Variants in OXNAD1 observed in about 807,000 individuals in gnomAD.
OXNAD1 encodes the protein oxidoreductase NAD binding domain containing 1.
OXNAD1 carries 34 observed loss-of-function variants against 32.9 expected under a neutral mutation model. That is an observed-to-expected ratio of 1.03 (90% CI 0.79 to 1.38). The LOEUF (loss-of-function observed/expected upper bound fraction) is 1.38. Ranked by LOEUF, OXNAD1 falls within the 40% of genes most tolerant of loss-of-function variation. The pLI is 0.00. For missense variants in OXNAD1, 407 were observed against 379.4 expected, an observed-to-expected ratio of 1.07 and a Z score of -0.60; for synonymous variants, 134 against 135.2, an observed-to-expected ratio of 0.99 and a Z score of 0.06.
chr3:16,328,035 A>G (rs542429888), intron 9 of OXNAD1, among the ~76,000 whole-genome samples: 54 of 152,322 alleles, frequency 3.5e-4, no homozygotes, highest in African/African-American at 1.3e-3. Flanking sequence ...CTGTATGCCC[A>G]CATAGTTCAT....
In OXNAD1 at chr3:16,346,938, C is replaced by G. The variant is rs2071761708; in HGVS notation, c.*31-2238C>G. Among the ~76,000 whole-genome samples the G allele has an allele frequency of 6.6e-6, 1 of 152,214 alleles. No homozygotes were observed. The highest frequency in any genetic ancestry group is 1.5e-5 in the Non-Finnish European group (1 of 68,042). On this transcript the variant is annotated intron_variant, in intron 9 of 9. Coordinates refer to the OXNAD1 transcript ENST00000606098. This position sits in a 1 kb window ranked among gnomAD's most constrained non-coding sequence, Gnocchi z 4.4. Reference sequence around the variant, plus strand: ...GACTCTGCAACCTCCCCACCTTGCTCTAGACTTCCTGCTCAATGAGATGAG... The same window carrying G: ...GACTCTGCAACCTCCCCACCTTGCTGTAGACTTCCTGCTCAATGAGATGAG...
In OXNAD1 at chr3:16,280,999, C is replaced by A. The variant is rs1157372100; in HGVS notation, c.184-5343C>A. 6.6e-6 allele frequency among the ~76,000 whole-genome samples: 1 copy of A among 152,112 alleles called. No individual in the cohort carries two copies. Among genetic ancestry groups the A allele is most frequent in the Admixed American group, 6.6e-5 (1 of 15,264 alleles). The stretch of plus-strand genomic sequence containing the variant: ...TCTTTCGATCCATTAAGTATAAGAG[C>A]CAATACAAATGATAAAATAAATAGT... On this transcript the variant is annotated intron_variant, in intron 4 of 8. Transcript: ENST00000285083. This position sits in a 1 kb window ranked among gnomAD's most constrained non-coding sequence, Gnocchi z 4.5.
At chr3:16,296,941 T>A (rs966606712) in intron 6 of OXNAD1, among the ~76,000 whole-genome samples, 2 of 152,098 alleles carry the variant, frequency 1.3e-5, no homozygotes, top group Non-Finnish European at 2.9e-5. Flanking sequence ...TAGGTAAAAT[T>A]CTTAAACACA....
Position 16,303,348 on chromosome 3 carries a change from C to T in OXNAD1, c.785-60C>T. 1.3e-6 allele frequency: 2 copies of T among 1,573,824 alleles called. No individual in the cohort carries two copies. Among genetic ancestry groups the T allele is most frequent in the Non-Finnish European group, 1.7e-6 (2 of 1,149,790 alleles). Reference sequence around the variant, plus strand: ...TGTATCTGAATTGTGGTTAGTCCTTCCTCATTTGCTGATACAACCATGTCT... The same window carrying T: ...TGTATCTGAATTGTGGTTAGTCCTTTCTCATTTGCTGATACAACCATGTCT... On this transcript the variant is annotated intron_variant, in intron 8 of 8. Coordinates refer to ENST00000285083, the MANE Select transcript of OXNAD1 (RefSeq NM_138381.5). The surrounding 1 kb of genome is among the most constrained non-coding windows in gnomAD (Gnocchi z 4.8).
At chr3:16,270,881 A>T in intron 2 of OXNAD1, 64 bp from the exon 3 acceptor site, 1 of 1,603,814 alleles carries the variant, frequency 6.2e-7, no homozygotes, top group Non-Finnish European at 8.5e-7. Context: ...GACCCTCTAA[A>T]ATAGTCTGAT....
rs150050845 is a variant in OXNAD1, at chr3:16,277,416, G to C, written c.183+5694G>C. Among the ~76,000 whole-genome samples the C allele has an allele frequency of 1.3e-5, 2 of 152,304 alleles. No homozygotes were observed. The highest frequency in any genetic ancestry group is 3.9e-4 in the East Asian group (2 of 5,190). On this transcript the variant is annotated intron_variant, in intron 4 of 8. Transcript: ENST00000285083. The surrounding 1 kb of genome is among the most constrained non-coding windows in gnomAD (Gnocchi z 4.3). ...GGCTGGACCCTGGACTCGTTGAAAT[G>C]AATGGCACCTCAGGTTTGGCCATAA...
In OXNAD1 at chr3:16,316,981, C is replaced by T. The variant is rs761070522; in HGVS notation, c.*30+13389C>T. The T allele has an allele frequency of 1.9e-6, 3 of 1,614,062 alleles. No individual in the cohort carries two copies. The highest frequency in any genetic ancestry group is 1.3e-5 in the African/African-American group (1 of 75,022). ...GCACAGCCTCACCCTCCACACCCAC[C>T]CCACACAGCAGGCCACCAGGGGACA... On this transcript the variant is annotated intron_variant, in intron 9 of 9. Coordinates refer to the OXNAD1 transcript ENST00000435829. This position sits in a 1 kb window ranked among gnomAD's most constrained non-coding sequence, Gnocchi z 4.5.
chr3:16,334,290 T>C lies in OXNAD1; in HGVS notation c.*31-2822T>C, dbSNP rs1004375975. ...TTGTTGCCAAGGCCGTGGGGAAGCA[T>C]GCGTTCTTGTACATTGCTAGTGGAA... is the stretch of plus-strand genomic sequence containing the variant. On this transcript the variant is annotated intron_variant, in intron 9 of 9. Coordinates refer to the OXNAD1 transcript ENST00000435829. This position sits in a 1 kb window ranked among gnomAD's most constrained non-coding sequence, Gnocchi z 4.3. Among the ~76,000 whole-genome samples the C allele has an allele frequency of 1.1e-4, 17 of 152,190 alleles. No homozygotes were observed. The highest frequency in any genetic ancestry group is 2.9e-4 in the African/African-American group (12 of 41,434).
At chr3:16,283,977 T>C (rs1277795994) in intron 4 of OXNAD1, among the ~76,000 whole-genome samples, 3 of 152,248 alleles carry the variant, frequency 2.0e-5, no homozygotes, top group Admixed American at 6.5e-5. Context: ...GAAGCTAGGT[T>C]ACCTGTGGTT....
In OXNAD1 at chr3:16,304,268, C is replaced by G. The variant is rs1003888703; in HGVS notation, c.*706C>G. The stretch of plus-strand genomic sequence containing the variant: ...GTAGGAGGCAGCTTCTTGCTTGGGA[C>G]AAAGGCATTGGTGATGTGTTCCATG... On this transcript the variant is annotated 3_prime_UTR_variant, in exon 9 of 9. Transcript: ENST00000285083. The surrounding 1 kb of genome is among the most constrained non-coding windows in gnomAD (Gnocchi z 4.6). The G allele has an allele frequency of 6.6e-6, 1 of 152,282 alleles. No homozygotes were observed. Among genetic ancestry groups the G allele is most frequent in the African/African-American group, 2.4e-5 (1 of 41,460 alleles). 9.4% of individuals were successfully genotyped at this position (152,282 alleles called of 1,614,324 possible). A position where few individuals can be genotyped will look rare whatever the true frequency, so the allele number is the denominator to read the frequency against.
chr3:16,332,511 G>A (rs1467863636), intron 9 of OXNAD1, among the ~76,000 whole-genome samples: 2 of 150,890 alleles, frequency 1.3e-5, no homozygotes, highest in African/African-American at 4.9e-5. Context: ...TATCTCCACG[G>A]TTCCCAGGTT....
In OXNAD1 at chr3:16,270,973, G is replaced by T. The variant is rs777074316; in HGVS notation, c.21G>T (p.Met7Ile). The change falls in exon 3 of 9, where the codon ATG becomes ATT. Residue 7 changes from methionine (M) to isoleucine (I), a missense_variant. Transcript: ENST00000285083. MACAAV[M>I]IPGLLRCSVG... ...GCGCCATGGCCTGTGCTGCTGTTAT[G>T]ATTCCTGGGTTGTTGCGGTGCTCTG... 95 of 1,614,070 alleles carry T rather than the reference G, an allele frequency of 5.9e-5. No homozygotes were observed. The highest frequency in any genetic ancestry group is 1.8e-4 in the Admixed American group (11 of 60,012).
At chr3:16,347,937 G>A (rs1186732091) in intron 9 of OXNAD1, 1 of 152,224 alleles carries the variant, frequency 6.6e-6, no homozygotes, top group African/African-American at 2.4e-5. Context: ...AGCGGGAGAA[G>A]TCGTACAACA....
rs1347738652 is a variant in OXNAD1 at position 16,277,522 on chromosome 3, T to C, written c.183+5800T>C. ...TAGTGAGTATACTTTACACATGTTA[T>C]TTGCTCTTCAGTTCAAGTCCATGAG... is the stretch of plus-strand genomic sequence containing the variant. On this transcript the variant is annotated intron_variant, in intron 4 of 8. Transcript: ENST00000285083. The surrounding 1 kb of genome is among the most constrained non-coding windows in gnomAD (Gnocchi z 4.3). Among the ~76,000 whole-genome samples the C allele has an allele frequency of 1.3e-5, 2 of 152,200 alleles. No individual in the cohort carries two copies. The highest frequency in any genetic ancestry group is 3.8e-4 in the East Asian group (2 of 5,200).
chr3:16,274,088 C>T lies in OXNAD1; in HGVS notation c.183+2366C>T, dbSNP rs188716990. On this transcript the variant is annotated intron_variant, in intron 4 of 8. Transcript: ENST00000285083. ...TATTAAGAAATAGATGCTAATGGCA[C>T]GTCTCTCTCTGAGTACGCTCACACT... is the stretch of plus-strand genomic sequence containing the variant. Among the ~76,000 whole-genome samples, 9 of 151,022 alleles carry T rather than the reference C, an allele frequency of 6.0e-5. No individual in the cohort carries two copies. In the East Asian group the frequency reaches 7.8e-4, roughly 13 times the overall value.
Position 16,289,712 on chromosome 3 carries a change from T to G in OXNAD1, c.290+3264T>G, listed in dbSNP as rs1333958171. ...TTCAAACTGTGTCCTCCCCCATTAC[T>G]CATCTGGTAAGCATTGTGTGTCTTT... On this transcript the variant is annotated intron_variant, in intron 5 of 8. Transcript: ENST00000285083. This position sits in a 1 kb window ranked among gnomAD's most constrained non-coding sequence, Gnocchi z 4.9. Among the ~76,000 whole-genome samples, 1 of 152,190 alleles carries G rather than the reference T, an allele frequency of 6.6e-6. No individual in the cohort carries two copies. Among genetic ancestry groups the G allele is most frequent in the Non-Finnish European group, 1.5e-5 (1 of 68,036 alleles).
Position 16,271,697 on chromosome 3 carries a change from G to C in OXNAD1, c.158G>C (p.Arg53Thr). ...KSKRKTDHME[R>T]TASVLRREIV... ...AAAAGGAAAACTGATCACATGGAGA[G>C]AACTGCAAGTGTCCTTCGACGGGAG... The change falls in exon 4 of 9, where the codon AGA becomes ACA. Residue 53 changes from arginine to threonine, a missense_variant. Physicochemically the swap from Arg to Thr is moderately conservative, Grantham distance 71. Coordinates refer to ENST00000285083, the MANE Select transcript of OXNAD1 (RefSeq NM_138381.5). This position sits in a 1 kb window ranked among gnomAD's most constrained non-coding sequence, Gnocchi z 4.6. The C allele has an allele frequency of 6.2e-7, 1 of 1,608,072 alleles. No individual in the cohort carries two copies.
chr3:16,296,254 A>G (rs554909448), intron 6 of OXNAD1, among the ~76,000 whole-genome samples: 16 of 150,616 alleles, frequency 1.1e-4, no homozygotes, highest in East Asian at 3.9e-4. Context: ...CCATCCCCCA[A>G]TGTAGGACCC....
chr3:16,265,254 C>A lies in OXNAD1; in HGVS notation c.-410C>A. On this transcript the variant is annotated 5_prime_UTR_variant, in exon 1 of 9. Coordinates refer to ENST00000285083, the MANE Select transcript of OXNAD1 (RefSeq NM_138381.5). The surrounding 1 kb of genome is among the most constrained non-coding windows in gnomAD (Gnocchi z 4.8). ...AACTAAACGTGGCCGGGTCTGCAAG[C>A]TAGGTGCCAGCGGGGAAAGTTTCCC... The A allele has an allele frequency of 4.2e-6, 1 of 238,242 alleles. No homozygotes were observed. Among genetic ancestry groups the A allele is most frequent in the Non-Finnish European group, 8.3e-6 (1 of 120,332 alleles). 14.8% of individuals were successfully genotyped at this position (238,242 alleles called of 1,614,324 possible). A position where few individuals can be genotyped will look rare whatever the true frequency, so the allele number is the denominator to read the frequency against.
Sources: allele counts gnomAD v4.1 joint callset (sites outside exome capture counted in the v4.1 genomes callset), GRCh38; gene constraint gnomAD v4.1.1; non-coding constraint Gnocchi (gnomAD v3.1); transcripts MANE v1.5; gene names NCBI Gene and HGNC (gene_info 2026-07-23, HGNC 2026-07-21).